Variants in ITPR2 observed in about 807,000 individuals in gnomAD.
The protein encoded by ITPR2 is inositol 1,4,5-trisphosphate-gated calcium channel ITPR2.
In ITPR2, 207 loss-of-function variants were observed where a neutral mutation model predicts 317.1. The ratio of observed to expected loss-of-function variants is 0.65; its 90% CI spans 0.58 to 0.73. The LOEUF (loss-of-function observed/expected upper bound fraction) is 0.73, where lower values mean the gene tolerates loss of function less well. Among genes scored for constraint, ITPR2 ranks in the 30% least tolerant of loss-of-function variants. The pLI is 0.00. For missense variants in ITPR2, 2,613 were observed against 3,284.0 expected, an observed-to-expected ratio of 0.80 and a Z score of 4.99; for synonymous variants, 1,156 against 1,149.1, an observed-to-expected ratio of 1.01 and a Z score of -0.12.
chr12:26,603,681 G>T (rs1946056143), intron 26 of ITPR2, among the ~76,000 whole-genome samples: 1 of 152,184 alleles, frequency 6.6e-6, no homozygotes, highest in Non-Finnish European at 1.5e-5. Flanking sequence ...TACGAAGGAG[G>T]TCAAGTTTAA....
At chr12:26,617,527 A>G (rs144853119) in intron 26 of ITPR2, among the ~76,000 whole-genome samples, 63 of 152,244 alleles carry the variant, frequency 4.1e-4, no homozygotes, top group South Asian at 1.0e-3. Flanking sequence ...AAAAAGGAAT[A>G]TTCTATAGCT....
chr12:26,766,253 G>A (rs1822768728), intron 2 of ITPR2, among the ~76,000 whole-genome samples: 1 of 151,818 alleles, frequency 6.6e-6, no homozygotes, highest in African/African-American at 2.4e-5. Flanking sequence ...CAGTTTATGA[G>A]GGTCTCAATA....
chr12:26,494,766 C>T (rs181596236), intron 38 of ITPR2, among the ~76,000 whole-genome samples: 215 of 48,862 alleles, frequency 4.4e-3, no homozygotes, highest in African/African-American at 9.7e-3. Flanking sequence ...TGAGACTCTG[C>T]CTCAGAAAAA....
rs146052260 is a variant in ITPR2, at chr12:26,766,483, G to A, written c.163+23674C>T. On this transcript the variant is annotated intron_variant, in intron 2 of 56. Transcript: ENST00000381340. Reference sequence around the variant, plus strand: ...TCAATTGGGTTGTCTTTTTATTATCGATTTATAAGAGTTCCTTATATATTC... The same window carrying A: ...TCAATTGGGTTGTCTTTTTATTATCAATTTATAAGAGTTCCTTATATATTC... Among the ~76,000 whole-genome samples, 1,177 of 151,662 alleles carry A rather than the reference G, an allele frequency of 7.8e-3. 14 individuals are homozygous for A. The highest frequency in any genetic ancestry group is 8.6e-3 in the Non-Finnish European group (584 of 67,914).
chr12:26,578,715 A>G lies in ITPR2; in HGVS notation c.4628T>C (p.Val1543Ala). Residue 1543 changes from valine to alanine, a missense_variant and splice_region_variant, in exon 34 of 57, where the codon GTG (valine) becomes GCG (alanine). This residue lies in a region of ITPR2 where 926 missense variants were observed against 1,072.8 expected (regional missense o/e 0.86). Transcript: ENST00000381340. ...VESCIRTLAE[V>A]AKNRGIAIPV... ...GTAAAACTCAAACTATGACTTACCC[A>G]CTTCAGCCAAAGTTCTGATACAGGA... The G allele has an allele frequency of 6.3e-7, 1 of 1,598,252 alleles. No individual in the cohort carries two copies. Among genetic ancestry groups the G allele is most frequent in the Non-Finnish European group, 8.6e-7 (1 of 1,168,944 alleles).
intron 4 of ITPR2, 136 bp from the exon 5 acceptor site, chr12:26,722,691 C>G: frequency 1.7e-6 from 1 of 581,286 alleles, no homozygotes; most frequent in Admixed American, 3.4e-5. Flanking sequence ...GTATTTTCAG[C>G]CTCCACACTC....
intron 30 of ITPR2, among the ~76,000 whole-genome samples, chr12:26,598,857 C>T (rs1013398167): frequency 6.6e-5 from 10 of 152,160 alleles, no homozygotes; most frequent in African/African-American, 2.2e-4. Flanking sequence ...AATTTTGTCA[C>T]TTTCATTCCA....
At chr12:26,724,542 C>A (rs1320681826) in intron 4 of ITPR2, 114 bp downstream of exon 4, 7 of 689,292 alleles carry the variant, frequency 1.0e-5, no homozygotes, top group Non-Finnish European at 1.6e-5. Flanking sequence ...TCGATAATTC[C>A]CATCAAAGAA....
intron 55 of ITPR2, among the ~76,000 whole-genome samples, chr12:26,374,054 C>T (rs1382774512): frequency 6.6e-6 from 1 of 152,202 alleles, no homozygotes; most frequent in East Asian, 1.9e-4. Context: ...GTCCTCATGT[C>T]CTCTCTGCGG....
intron 2 of ITPR2, chr12:26,726,044 T>C (rs577126239): frequency 3.8e-5 from 10 of 260,728 alleles, no homozygotes; most frequent in Admixed American, 9.9e-5. Context: ...ATTGTGGTAT[T>C]ATAAGGCATG....
intron 2 of ITPR2, among the ~76,000 whole-genome samples, chr12:26,788,030 C>G (rs1416525196): frequency 6.8e-6 from 1 of 146,352 alleles, no homozygotes; most frequent in African/African-American, 2.5e-5. Context: ...TCAGGTGATT[C>G]TCCTGCCTCA....
At chr12:26,810,001 C>T (rs1950706785) in intron 1 of ITPR2, among the ~76,000 whole-genome samples, 1 of 152,218 alleles carries the variant, frequency 6.6e-6, no homozygotes, top group Non-Finnish European at 1.5e-5. Flanking sequence ...CTGGATTGTA[C>T]ACTAAGGGCT....
rs182646552 is a variant in ITPR2 at position 26,438,652 on chromosome 12, T to C, written c.6643+475A>G. Among the ~76,000 whole-genome samples, 5 of 152,336 alleles carry C rather than the reference T, an allele frequency of 3.3e-5. No individual in the cohort carries two copies. In the East Asian group the frequency reaches 5.8e-4, roughly 18 times the overall value. ...TTAAATACAAGTGTTATCATATGTA[T>C]AACTTGTTTGATTTGGGGAGGTAAA... On this transcript the variant is annotated intron_variant, in intron 47 of 56. Coordinates refer to ENST00000381340, the MANE Select transcript of ITPR2 (RefSeq NM_002223.4).
At chr12:26,426,941 G>A (rs1941078904) in intron 49 of ITPR2, among the ~76,000 whole-genome samples, 1 of 150,992 alleles carries the variant, frequency 6.6e-6, no homozygotes, top group African/African-American at 2.4e-5. Flanking sequence ...TATATTTTAT[G>A]TGCAAGCCCC....
chr12:26,551,517 G>C (rs1466194047), intron 36 of ITPR2, among the ~76,000 whole-genome samples: 1 of 152,216 alleles, frequency 6.6e-6, no homozygotes, highest in African/African-American at 2.4e-5. Flanking sequence ...CTGAGTCTCA[G>C]GGGTCTTGTG....
intron 45 of ITPR2, among the ~76,000 whole-genome samples, chr12:26,456,866 G>A (rs1941900672): frequency 6.6e-6 from 1 of 152,076 alleles, no homozygotes; most frequent in Non-Finnish European, 1.5e-5. Context: ...TAGAGACAGG[G>A]TTTCACCTTG....
At chr12:26,826,876 T>C (rs993797175) in intron 1 of ITPR2, among the ~76,000 whole-genome samples, 6 of 152,214 alleles carry the variant, frequency 3.9e-5, no homozygotes, top group African/African-American at 1.4e-4. Flanking sequence ...AATTCTGCTA[T>C]GCTCAGTCCC....
rs71069259 is a variant in ITPR2 at position 26,649,773 on chromosome 12, CTAGATAGATAGATAGATAGATAGA to C, written c.2740+4179_2740+4202del. 3.7e-3 allele frequency among the ~76,000 whole-genome samples: 539 copies of C among 147,504 alleles called. 4 individuals carry two copies. The highest frequency in any genetic ancestry group is 0.013 in the African/African-American group (505 of 40,110). ...TATCAGATGTTACAGGATAGATAGA[CTAGATAGATAGATAGATAGATAGA>C]TAGATAGATAGATAGATAGATAGAT... On this transcript the variant is annotated intron_variant, in intron 21 of 56. Coordinates refer to ENST00000381340, the MANE Select transcript of ITPR2 (RefSeq NM_002223.4).
Position 26,400,179 on chromosome 12 carries a change from G to A in ITPR2, c.7479C>T (p.Gly2493=), listed in dbSNP as rs1309777521. ...CCCCCACACCACCGCCATTCCTGAGGCCCTGGTTCAGCACGGTGACAATGC... is the reference window on the plus strand; with the variant it reads ...CCCCCACACCACCGCCATTCCTGAGACCCTGGTTCAGCACGGTGACAATGC... ...LMCIVTVLNQ[G]LRNGGGVGDV... The change falls in exon 53 of 57, where the codon GGC becomes GGT. Residue 2493 remains glycine, a synonymous_variant. Coordinates refer to ENST00000381340, the MANE Select transcript of ITPR2 (RefSeq NM_002223.4). 1.9e-5 allele frequency: 31 copies of A among 1,611,684 alleles called. No homozygotes were observed. Among genetic ancestry groups the A allele is most frequent in the Non-Finnish European group, 2.6e-5 (31 of 1,178,426 alleles).
Sources: gnomAD v4.1 joint callset for allele counts (sites outside exome capture counted in the v4.1 genomes callset) on GRCh38, gnomAD v4.1.1 for gene constraint, gnomAD v4.1.1 regional missense constraint, MANE v1.5 for transcripts, NCBI Gene and HGNC (gene_info 2026-07-23, HGNC 2026-07-21) for gene names.